The following PTPRG variants were observed in gnomAD, a reference collection of about 807,000 sequenced individuals.
PTPRG encodes receptor-type tyrosine-protein phosphatase gamma.
In PTPRG, 102 loss-of-function variants were observed where a neutral mutation model predicts 165.3. That is an observed-to-expected ratio of 0.62 (90% CI 0.53 to 0.73). The LOEUF (loss-of-function observed/expected upper bound fraction) is 0.73. Ranked by LOEUF, PTPRG falls within the 30% of genes least tolerant of loss-of-function variation. The probability of loss-of-function intolerance (pLI) is 0.00; values close to 1 mark genes in which losing one functional copy is unlikely to be tolerated. For missense variants in PTPRG, 1,866 were observed against 1,861.4 expected (o/e 1.00, Z -0.05); for synonymous variants, 675 against 669.5 (o/e 1.01, Z -0.13).
chr3:61,697,367 G>C (rs1206271417), intron 1 of PTPRG, among the ~76,000 whole-genome samples: 1 of 152,156 alleles, frequency 6.6e-6, no homozygotes, highest in African/African-American at 2.4e-5. Flanking sequence ...GGAACTTTCT[G>C]TTGTACTCCC....
rs960201205 is a variant in PTPRG, at chr3:62,233,404, T to C, written c.2375+2093T>C. Among the ~76,000 whole-genome samples the C allele has an allele frequency of 6.6e-6, 1 of 152,162 alleles. No individual in the cohort carries two copies. Among genetic ancestry groups the C allele is most frequent in the African/African-American group, 2.4e-5 (1 of 41,434 alleles). ...TTTTGCTGCCTCCTTTCCTGACCCA[T>C]GTCCATCCTGCTGCTGTTCTATAAA... On this transcript the variant is annotated intron_variant, in intron 14 of 29. Transcript: ENST00000474889. The surrounding 1 kb of genome is among the most constrained non-coding windows in gnomAD (Gnocchi z 4.7).
intron 4 of PTPRG, among the ~76,000 whole-genome samples, chr3:62,047,272 T>TA (rs60715690): frequency 1.3e-5 from 2 of 150,652 alleles, no homozygotes; most frequent in Non-Finnish European, 3.0e-5. Context: ...TTTATTTATT[T>TA]TTATTGAGAT....
chr3:61,843,836 C>A (rs1050095159), intron 2 of PTPRG, among the ~76,000 whole-genome samples: 26 of 149,944 alleles, frequency 1.7e-4, no homozygotes, highest in Non-Finnish European at 3.0e-4. Flanking sequence ...AAAAAAAAAA[C>A]AAAAAACCCA....
chr3:61,831,477 T>C (rs1018244480), intron 2 of PTPRG, among the ~76,000 whole-genome samples: 1 of 152,248 alleles, frequency 6.6e-6, no homozygotes, highest in Non-Finnish European at 1.5e-5. Context: ...TTTTTGTTTT[T>C]GTTTTTGTTT....
chr3:62,130,486 T>A (rs966069501), intron 5 of PTPRG, among the ~76,000 whole-genome samples: 2 of 152,196 alleles, frequency 1.3e-5, no homozygotes, highest in Non-Finnish European at 2.9e-5. Flanking sequence ...TAGAGGGAAT[T>A]TGTGGCCATT....
intron 5 of PTPRG, chr3:62,124,699 C>T (rs1703222845): frequency 1.3e-5 from 8 of 616,934 alleles, no homozygotes; most frequent in Non-Finnish European, 2.0e-5. Flanking sequence ...CTGCGCTTGG[C>T]ACCGGACTTG....
intron 2 of PTPRG, among the ~76,000 whole-genome samples, chr3:61,909,250 C>T (rs1471423642): frequency 2.0e-5 from 3 of 152,266 alleles, no homozygotes; most frequent in South Asian, 2.1e-4. Context: ...GTTACATAAG[C>T]GTTTCTTCGA....
chr3:61,740,544 T>A (rs553587672), intron 1 of PTPRG, among the ~76,000 whole-genome samples: 75 of 152,336 alleles, frequency 4.9e-4, no homozygotes, highest in African/African-American at 1.5e-3. Flanking sequence ...TTATTTATTT[T>A]TTTTTAATAG....
In PTPRG at chr3:62,128,549, TTA is replaced by T. The variant is rs1042228640; in HGVS notation, c.616-4051_616-4050del. Among the ~76,000 whole-genome samples the T allele has an allele frequency of 6.3e-4, 96 of 151,840 alleles. 1 individual carries two copies. Among genetic ancestry groups the T allele is most frequent in the Admixed American group, 6.3e-3 (96 of 15,222 alleles). ...TGTTAGGTCAACTTGTTGCCCGGTG[TTA>T]TTGTCCTTTATTGGATGTGGCATTT... On this transcript the variant is annotated intron_variant, in intron 5 of 29. Coordinates refer to ENST00000474889, the MANE Select transcript of PTPRG (RefSeq NM_002841.4).
intron 2 of PTPRG, among the ~76,000 whole-genome samples, chr3:61,805,711 A>G (rs1035572657): frequency 9.9e-5 from 15 of 152,122 alleles, no homozygotes; most frequent in Non-Finnish European, 2.1e-4. Context: ...GGGATGTATG[A>G]TGGTATAAAC....
chr3:62,194,895 T>G (rs1699922110), intron 9 of PTPRG, among the ~76,000 whole-genome samples, 167 bp from the exon 10 acceptor site: 3 of 152,180 alleles, frequency 2.0e-5, no homozygotes, highest in Non-Finnish European at 4.4e-5. Context: ...TAAAAATAGA[T>G]TCCCAGGCAG....
intron 5 of PTPRG, among the ~76,000 whole-genome samples, chr3:62,103,683 G>A (rs552206422): frequency 6.6e-6 from 1 of 152,304 alleles, no homozygotes; most frequent in Admixed American, 6.5e-5. Flanking sequence ...GCCCAGGCCA[G>A]GTGGCAGAGT....
intron 1 of PTPRG, among the ~76,000 whole-genome samples, chr3:61,571,657 C>A (rs1700060096): frequency 6.6e-6 from 1 of 152,156 alleles, no homozygotes; most frequent in Non-Finnish European, 1.5e-5. Flanking sequence ...CACTACTCCT[C>A]TTCCAAATTA....
intron 2 of PTPRG, among the ~76,000 whole-genome samples, chr3:61,870,071 C>A (rs1284571991): frequency 6.6e-6 from 1 of 151,566 alleles, no homozygotes; most frequent in African/African-American, 2.4e-5. Context: ...CCTCCCAGTA[C>A]CATCACCTTG....
intron 4 of PTPRG, among the ~76,000 whole-genome samples, chr3:62,064,476 C>T (rs1238185150): frequency 7.0e-6 from 1 of 142,920 alleles, no homozygotes; most frequent in Non-Finnish European, 1.5e-5. Context: ...TTCAGTCTCC[C>T]AAATTAGTGC....
In PTPRG at chr3:62,224,174, C is replaced by G. The variant is rs530030543; in HGVS notation, c.2288+5191C>G. Among the ~76,000 whole-genome samples, 1 of 152,142 alleles carries G rather than the reference C, an allele frequency of 6.6e-6. No individual in the cohort carries two copies. Among genetic ancestry groups the G allele is most frequent in the East Asian group, 1.9e-4 (1 of 5,198 alleles). On this transcript the variant is annotated intron_variant, in intron 13 of 29. Coordinates refer to ENST00000474889, the MANE Select transcript of PTPRG (RefSeq NM_002841.4). This position sits in a 1 kb window ranked among gnomAD's most constrained non-coding sequence, Gnocchi z 4.9. ...TTAAAGACATGACCCCACTCCCACC[C>G]GCAACCCCAGGAAACAACTCTGAAG...
rs1553656321 is a variant in PTPRG, at chr3:61,729,065, A to AAACAAAC, written c.86-19811_86-19810insCAAACAA. ...CGGCAGAGAGAGACCCTGTCTCAAA[A>AAACAAAC]AAACAAACAAACAAACAAACAAAAA... is the stretch of plus-strand genomic sequence containing the variant. On this transcript the variant is annotated intron_variant, in intron 1 of 29. Coordinates refer to ENST00000474889, the MANE Select transcript of PTPRG (RefSeq NM_002841.4). 2.1e-3 allele frequency among the ~76,000 whole-genome samples: 311 copies of AAACAAAC among 151,654 alleles called. 1 individual carries two copies. Among genetic ancestry groups the AAACAAAC allele is most frequent in the East Asian group, 6.7e-3 (34 of 5,102 alleles).
chr3:62,191,327 A>G (rs1375338703), intron 8 of PTPRG, 142 bp from the exon 9 acceptor site: 3 of 652,808 alleles, frequency 4.6e-6, no homozygotes, highest in Non-Finnish European at 7.8e-6. Context: ...TACACACACA[A>G]TGTTAAGAGG....
intron 2 of PTPRG, among the ~76,000 whole-genome samples, chr3:61,986,596 C>A (rs79822473): frequency 0.028 from 4,266 of 152,302 alleles, 88 homozygotes; most frequent in Non-Finnish European, 0.041. Context: ...TTAAGACTTT[C>A]ATCAGGTGAA....
Sources: gnomAD v4.1 joint callset for allele counts (sites outside exome capture counted in the v4.1 genomes callset) on GRCh38, gnomAD v4.1.1 for gene constraint, Gnocchi (gnomAD v3.1) non-coding constraint, MANE v1.5 for transcripts, NCBI Gene and HGNC (gene_info 2026-07-23, HGNC 2026-07-21) for gene names.